Variants in C1orf141 observed in about 807,000 individuals in gnomAD.
C1orf141 encodes the protein chromosome 1 open reading frame 141.
C1orf141 carries 19 observed loss-of-function variants against 23.2 expected under a neutral mutation model. That is an observed-to-expected ratio of 0.82 (90% CI 0.57 to 1.20). The LOEUF is 1.20. Among genes scored for constraint, C1orf141 ranks in the 50% most tolerant of loss-of-function variants. The pLI, the probability that C1orf141 is intolerant of heterozygous loss-of-function variation, is 0.00. For missense variants in C1orf141, 469 were observed against 455.1 expected (o/e 1.03, Z -0.28); for synonymous variants, 153 against 154.6 (o/e 0.99, Z 0.08).
chr1:67,136,216 T>G (rs1022164572), upstream of C1orf141, among the ~76,000 whole-genome samples: 8 of 152,128 alleles, frequency 5.3e-5, no homozygotes, highest in African/African-American at 9.7e-5. Context: ...TATTTTTATT[T>G]TTTTGTAAGG....
chr1:67,116,906 T>C (rs1646204916), intron 4 of C1orf141, among the ~76,000 whole-genome samples: 1 of 152,166 alleles, frequency 6.6e-6, no homozygotes, highest in South Asian at 2.1e-4. Context: ...AAAATAGTAA[T>C]CCCTGTTGAT....
chr1:67,110,584 T>G (rs953263536), intron 5 of C1orf141, among the ~76,000 whole-genome samples: 1 of 152,118 alleles, frequency 6.6e-6, no homozygotes, highest in African/African-American at 2.4e-5. Flanking sequence ...GAAAGGGCTG[T>G]GTGTGCTTAT....
At chr1:67,139,637 A>G (rs1231025820), upstream of C1orf141, among the ~76,000 whole-genome samples, 2 of 152,218 alleles carry the variant, frequency 1.3e-5, no homozygotes, top group Non-Finnish European at 2.9e-5. Flanking sequence ...TACAGTTTGA[A>G]TATTTGTCCC....
Position 67,110,885 on chromosome 1 carries a change from C to A in C1orf141, c.346+4467G>T, listed in dbSNP as rs1646053996. 2.0e-5 allele frequency among the ~76,000 whole-genome samples: 3 copies of A among 148,794 alleles called. No homozygotes were observed. In the South Asian group the frequency reaches 6.3e-4, roughly 31 times the overall value. ...AACAAAAATTTGTTATTAATTATGG[C>A]CCTAAGTCTGTATTTCTCCATATTT... On this transcript the variant is annotated intron_variant, in intron 5 of 7. Transcript: ENST00000684719.
At chr1:67,113,979 A>G (rs1351938170) in intron 5 of C1orf141, among the ~76,000 whole-genome samples, 2 of 152,194 alleles carry the variant, frequency 1.3e-5, no homozygotes, top group African/African-American at 4.8e-5. Context: ...ATGCCAAGCC[A>G]CTTTTTCCCT....
At chr1:67,125,710 A>G in intron 4 of C1orf141, 42 bp downstream of exon 4, 2 of 1,585,970 alleles carry the variant, frequency 1.3e-6, no homozygotes, top group South Asian at 2.2e-5. Flanking sequence ...AAACAAACAA[A>G]CAAATTCTGA....
chr1:67,111,537 T>G, intron 5 of C1orf141: 1 of 811,492 alleles, frequency 1.2e-6, no homozygotes, highest in Non-Finnish European at 1.8e-6. Flanking sequence ...CTAATTTGAA[T>G]TTCTATTAAG....
chr1:67,108,164 C>T (rs1645976853), intron 5 of C1orf141, among the ~76,000 whole-genome samples: 1 of 151,952 alleles, frequency 6.6e-6, no homozygotes, highest in South Asian at 2.1e-4. Context: ...TAATAAAATC[C>T]CTTAAACAGG....
At chr1:67,094,422 G>A (rs980156902) in intron 7 of C1orf141, 1 of 152,224 alleles carries the variant, frequency 6.6e-6, no homozygotes, top group East Asian at 1.9e-4. Flanking sequence ...TTGCGGTTAG[G>A]ACATAGGCAT....
chr1:67,123,400 C>T (rs1646339821), intron 4 of C1orf141: 1 of 152,044 alleles, frequency 6.6e-6, no homozygotes, highest in Admixed American at 6.6e-5. Context: ...ATTAGTTATA[C>T]ACAAATCCTG....
chr1:67,133,956 G>A (rs1646554953), intron 1 of C1orf141, among the ~76,000 whole-genome samples: 1 of 152,130 alleles, frequency 6.6e-6, no homozygotes, highest in Non-Finnish European at 1.5e-5. Flanking sequence ...TTAAAAACCC[G>A]ACCTATGTGC....
chr1:67,128,307 A>AGG (rs1383642871), intron 2 of C1orf141, among the ~76,000 whole-genome samples: 1 of 152,112 alleles, frequency 6.6e-6, no homozygotes, highest in African/African-American at 2.4e-5. Context: ...AGAAATAGCT[A>AGG]GGGCAGAGTG....
At position 67,103,159 on chromosome 1, in the gene C1orf141, G is replaced by T. The variant is rs1291840713; in HGVS notation, c.347-6838C>A. On this transcript the variant is annotated intron_variant, in intron 5 of 7. Transcript: ENST00000684719. Reference sequence around the variant, plus strand: ...CAAAGACGAATATTCCTTGGATAAAGATTTTCTTAATGCTTACACACTAAT... The same window carrying T: ...CAAAGACGAATATTCCTTGGATAAATATTTTCTTAATGCTTACACACTAAT... 12 of 727,108 alleles carry T rather than the reference G, an allele frequency of 1.7e-5. No homozygotes were observed. In the South Asian group the frequency reaches 4.0e-4, roughly 24 times the overall value. The allele number at this position is 727,108 out of a possible 1,614,324, so 45.0% of individuals were successfully genotyped here.
rs778347539 is a variant in C1orf141 at position 67,093,071 on chromosome 1, T to C, written c.1137A>G (p.Glu379=). The C allele has an allele frequency of 1.0e-5, 16 of 1,606,584 alleles. No homozygotes were observed. The highest frequency in any genetic ancestry group is 1.4e-5 in the Non-Finnish European group (16 of 1,173,382). ...CYSKPFKYIY[E]LNNVTPLDNL... is the part of the protein sequence containing the mutation. ...TATCCAGTGGCGTTACATTATTTAG[T>C]TCATATATATATTTAAAAGGCTTTG... is the stretch of plus-strand genomic sequence containing the variant. The change falls in exon 8 of 8, where the codon GAA becomes GAG. Residue 379 remains glutamate, a synonymous_variant. Coordinates refer to ENST00000684719, the MANE Select transcript of C1orf141 (RefSeq NM_001276351.2).
chr1:67,096,727 G>A (rs1169654469), intron 5 of C1orf141, among the ~76,000 whole-genome samples: 1 of 152,174 alleles, frequency 6.6e-6, no homozygotes. Flanking sequence ...ATCATCCAAG[G>A]TTGATCTCTT....
chr1:67,125,443 AT>A (rs1353880211), intron 4 of C1orf141, among the ~76,000 whole-genome samples: 2 of 152,196 alleles, frequency 1.3e-5, no homozygotes, highest in South Asian at 2.1e-4. Context: ...CATGCCTGTA[AT>A]CCCAGTACTT....
At chr1:67,104,602 G>A (rs1266204896) in intron 5 of C1orf141, among the ~76,000 whole-genome samples, 3 of 152,036 alleles carry the variant, frequency 2.0e-5, no homozygotes, top group Non-Finnish European at 2.9e-5. Flanking sequence ...AACCAGCCCC[G>A]GATAGATTTA....
intron 2 of C1orf141, among the ~76,000 whole-genome samples, chr1:67,128,033 A>G (rs1329692719): frequency 2.6e-5 from 4 of 152,214 alleles, no homozygotes; most frequent in Non-Finnish European, 4.4e-5. Context: ...TAATTGCTTC[A>G]AATTAAATTG....
At chr1:67,111,983 C>T (rs1286559170) in intron 5 of C1orf141, among the ~76,000 whole-genome samples, 1 of 152,106 alleles carries the variant, frequency 6.6e-6, no homozygotes, top group East Asian at 1.9e-4. Context: ...TAGAAATAGT[C>T]CCTTCTACCT....
Sources: allele counts gnomAD v4.1 joint callset (sites outside exome capture counted in the v4.1 genomes callset), GRCh38; gene constraint gnomAD v4.1.1; transcripts MANE v1.5; gene names NCBI Gene and HGNC (gene_info 2026-07-23, HGNC 2026-07-21).